Variants in KSR1 observed in about 807,000 individuals in gnomAD.
KSR1 encodes kinase suppressor of ras 1, also known as kinase suppressor of ras.
A neutral mutation model predicts 92.9 loss-of-function variants in KSR1; 35 were observed. The ratio of observed to expected loss-of-function variants is 0.38; its 90% CI spans 0.29 to 0.50. KSR1 has a LOEUF of 0.50. Ranked by LOEUF, KSR1 falls within the 20% of genes least tolerant of loss-of-function variation. The pLI is 0.94. For missense variants in KSR1, 972 were observed against 1,158.5 expected (o/e 0.84, Z 2.34); for synonymous variants, 467 against 472.6 (o/e 0.99, Z 0.15).
intron 9 of KSR1, among the ~76,000 whole-genome samples, chr17:27,596,592 T>C (rs927998698): frequency 2.0e-5 from 3 of 152,210 alleles, no homozygotes; most frequent in African/African-American, 7.2e-5. Flanking sequence ...TCCAGAATTC[T>C]TACCCCTCCA....
At chr17:27,564,280 C>CG in intron 2 of KSR1, among the ~76,000 whole-genome samples, 1 of 152,282 alleles carries the variant, frequency 6.6e-6, no homozygotes, top group Non-Finnish European at 1.5e-5. Context: ...CGTGAGCCCC[C>CG]GCACCTGGCC....
intron 1 of KSR1, among the ~76,000 whole-genome samples, chr17:27,475,710 G>A (rs1410974659): frequency 6.6e-6 from 1 of 152,188 alleles, no homozygotes; most frequent in African/African-American, 2.4e-5. Context: ...GAATGTATGA[G>A]GCTATTTGCA....
At chr17:27,483,583 CA>C (rs533089502) in intron 1 of KSR1, 973 of 86,298 alleles carry the variant, frequency 0.011, 6 homozygotes, top group Middle Eastern at 0.032. Flanking sequence ...GCGAAATTCT[CA>C]AAAAAAAAAA....
chr17:27,605,384 G>T (rs377501109), intron 13 of KSR1, 50 bp from the exon 14 acceptor site: 2 of 1,562,176 alleles, frequency 1.3e-6, no homozygotes, highest in Non-Finnish European at 1.7e-6. Flanking sequence ...AAGAGACGTC[G>T]CAGAGCCCAG....
At chr17:27,492,299 C>T (rs184521955) in intron 1 of KSR1, among the ~76,000 whole-genome samples, 9 of 152,266 alleles carry the variant, frequency 5.9e-5, no homozygotes, top group African/African-American at 1.9e-4. Context: ...CTTGCTTTCC[C>T]GTCAGACTTG....
intron 2 of KSR1, among the ~76,000 whole-genome samples, chr17:27,574,872 G>A (rs1252093474): frequency 6.6e-6 from 1 of 152,094 alleles, no homozygotes; most frequent in Non-Finnish European, 1.5e-5. Context: ...AAGGGTTAAA[G>A]ACAAAAAAAG....
intron 1 of KSR1, among the ~76,000 whole-genome samples, chr17:27,540,600 G>C (rs1166267722): frequency 6.6e-6 from 1 of 152,200 alleles, no homozygotes; most frequent in African/African-American, 2.4e-5. Flanking sequence ...GCCGGGAGAG[G>C]GCTGGCTGTT....
chr17:27,604,271 A>T (rs2073672540), intron 12 of KSR1, among the ~76,000 whole-genome samples: 1 of 152,218 alleles, frequency 6.6e-6, no homozygotes, highest in East Asian at 1.9e-4. Context: ...AGTAGGTGTC[A>T]TTCTTAACAT....
At chr17:27,571,442 T>C (rs1305913248) in intron 2 of KSR1, among the ~76,000 whole-genome samples, 1 of 152,204 alleles carries the variant, frequency 6.6e-6, no homozygotes, top group Non-Finnish European at 1.5e-5. Context: ...TGGGCTGCCA[T>C]AGAAACCTTC....
At chr17:27,592,486 T>G in intron 8 of KSR1, 34 bp from the exon 9 acceptor site, 1 of 1,613,328 alleles carries the variant, frequency 6.2e-7, no homozygotes, top group Non-Finnish European at 8.5e-7. Flanking sequence ...CTTGACCTGT[T>G]CCCTGGTGAT....
At chr17:27,493,358 A>T (rs1355598596) in intron 1 of KSR1, among the ~76,000 whole-genome samples, 1 of 152,216 alleles carries the variant, frequency 6.6e-6, no homozygotes, top group Non-Finnish European at 1.5e-5. Context: ...AAGGGCTCCA[A>T]TTCTGAGGCA....
chr17:27,580,883 C>T (rs1182931771), intron 3 of KSR1, among the ~76,000 whole-genome samples: 1 of 152,196 alleles, frequency 6.6e-6, no homozygotes, highest in Non-Finnish European at 1.5e-5. Context: ...TCTTGTGCCT[C>T]AGCCTCCCAA....
rs1284928932 is a variant in KSR1 at position 27,577,768 on chromosome 17, G to A, written c.520+129G>A. ...TCTGGGGCAGCCTGGAAAGGCCAGG[G>A]TTGGATGTTCACAGCCTCCTGAGAA... On this transcript the variant is annotated intron_variant, in intron 3 of 20. Transcript: ENST00000644974. The surrounding 1 kb of genome is among the most constrained non-coding windows in gnomAD (Gnocchi z 4.5). 5.0e-6 allele frequency: 4 copies of A among 803,704 alleles called. No homozygotes were observed. The highest frequency in any genetic ancestry group is 3.4e-5 in the African/African-American group (2 of 59,178). 49.8% of individuals were successfully genotyped at this position (803,704 alleles called of 1,614,324 possible).
chr17:27,556,031 C>G (rs766279841), intron 2 of KSR1, among the ~76,000 whole-genome samples: 6 of 152,210 alleles, frequency 3.9e-5, no homozygotes, highest in Non-Finnish European at 8.8e-5. Context: ...GGAACCTGCT[C>G]TTTCCCCTTA....
At chr17:27,597,190 G>C in intron 9 of KSR1, 78 bp from the exon 10 acceptor site, 1 of 1,444,872 alleles carries the variant, frequency 6.9e-7, no homozygotes, top group Non-Finnish European at 9.4e-7. Flanking sequence ...TTTCCAGATG[G>C]GGAAGGGAGG....
intron 1 of KSR1, among the ~76,000 whole-genome samples, chr17:27,521,334 CTTTT>C (rs759201177): frequency 5.9e-5 from 8 of 134,930 alleles, no homozygotes; most frequent in Non-Finnish European, 6.5e-5. Flanking sequence ...AAGGCCATTC[CTTTT>C]TTTTTTTTTT....
At chr17:27,525,572 GCTTAT>G (rs2070225395) in intron 1 of KSR1, among the ~76,000 whole-genome samples, 1 of 152,200 alleles carries the variant, frequency 6.6e-6, no homozygotes, top group African/African-American at 2.4e-5. Flanking sequence ...TCCTCTGAAG[GCTTAT>G]CTTGAGTTTC....
At chr17:27,460,977 T>C (rs982676235) in intron 1 of KSR1, among the ~76,000 whole-genome samples, 2 of 152,230 alleles carry the variant, frequency 1.3e-5, no homozygotes, top group African/African-American at 4.8e-5. Flanking sequence ...CAGGGCACAG[T>C]AATGACTTTA....
At chr17:27,505,242 T>G (rs1378783509) in intron 1 of KSR1, among the ~76,000 whole-genome samples, 1 of 152,154 alleles carries the variant, frequency 6.6e-6, no homozygotes, top group African/African-American at 2.4e-5. Context: ...TGGTTCTGGG[T>G]GCTCCCAGAC....
Sources: allele counts gnomAD v4.1 joint callset (sites outside exome capture counted in the v4.1 genomes callset), GRCh38; gene constraint gnomAD v4.1.1; non-coding constraint Gnocchi (gnomAD v3.1); transcripts MANE v1.5; gene names NCBI Gene and HGNC (gene_info 2026-07-23, HGNC 2026-07-21).